Variants in DENND1A observed in about 807,000 individuals in gnomAD.
DENND1A encodes the protein DENN domain containing 1A.
In DENND1A, 51 loss-of-function variants were observed where a neutral mutation model predicts 113.7. That is an observed-to-expected ratio of 0.45 (90% CI 0.36 to 0.57). The LOEUF (loss-of-function observed/expected upper bound fraction) is 0.57. Ranked by LOEUF, DENND1A falls within the 20% of genes least tolerant of loss-of-function variation. The pLI is 0.00. For synonymous variants in DENND1A, 565 were observed against 570.8 expected (o/e 0.99, Z 0.14); for missense variants, 1,258 against 1,395.9 (o/e 0.90, Z 1.57).
chr9:123,756,201 C>T (rs1195615090), intron 5 of DENND1A, among the ~76,000 whole-genome samples: 1 of 152,126 alleles, frequency 6.6e-6, no homozygotes, highest in East Asian at 1.9e-4. Flanking sequence ...CGTGAGCTAC[C>T]GTGCCCGGCC....
chr9:123,406,251 G>A (rs1162140247), intron 20 of DENND1A, among the ~76,000 whole-genome samples: 1 of 152,186 alleles, frequency 6.6e-6, no homozygotes, highest in Admixed American at 6.5e-5. Context: ...AGACAGGTTT[G>A]GCATATCAGG....
At chr9:123,399,827 G>C (rs984030295) in intron 21 of DENND1A, among the ~76,000 whole-genome samples, 3 of 152,260 alleles carry the variant, frequency 2.0e-5, no homozygotes, top group African/African-American at 7.2e-5. Flanking sequence ...ATGAAATCAA[G>C]AATTCTGAAT....
chr9:123,641,078 A>G (rs137865194), intron 9 of DENND1A, among the ~76,000 whole-genome samples: 3 of 152,328 alleles, frequency 2.0e-5, no homozygotes, highest in South Asian at 2.1e-4. Context: ...GTCTAACCTC[A>G]TATCACACTA....
chr9:123,399,034 G>T (rs970248520), intron 21 of DENND1A, among the ~76,000 whole-genome samples: 34 of 151,678 alleles, frequency 2.2e-4, no homozygotes, highest in Non-Finnish European at 3.5e-4. Context: ...GACCTCAAGT[G>T]ACCCGCCCGC....
chr9:123,542,063 G>C (rs2056329558), intron 13 of DENND1A, among the ~76,000 whole-genome samples: 1 of 152,172 alleles, frequency 6.6e-6, no homozygotes, highest in South Asian at 2.1e-4. Context: ...TAAGAAATTA[G>C]ACATCTGTTA....
intron 1 of DENND1A, among the ~76,000 whole-genome samples, chr9:123,922,569 C>T (rs1856450154): frequency 6.6e-6 from 1 of 152,164 alleles, no homozygotes; most frequent in Admixed American, 6.5e-5. Flanking sequence ...ACCTAAAAAC[C>T]CAAATCTGAT....
chr9:123,395,427 GC>G (rs201656306), intron 21 of DENND1A, among the ~76,000 whole-genome samples: 3,095 of 149,980 alleles, frequency 0.021, 63 homozygotes, highest in African/African-American at 0.045. Flanking sequence ...CTGGCTTTAG[GC>G]TTGGTTTTGT....
At chr9:123,903,976 G>A (rs1852250658) in intron 1 of DENND1A, among the ~76,000 whole-genome samples, 1 of 152,130 alleles carries the variant, frequency 6.6e-6, no homozygotes, top group Non-Finnish European at 1.5e-5. Flanking sequence ...GTCCCTGTCT[G>A]ACAGCTTTGA....
At chr9:123,832,160 A>G (rs1840325491) in intron 2 of DENND1A, among the ~76,000 whole-genome samples, 1 of 152,250 alleles carries the variant, frequency 6.6e-6, no homozygotes, top group South Asian at 2.1e-4. Flanking sequence ...TAAGGCACAG[A>G]GTACAAGGTA....
chr9:123,830,873 G>GA lies in DENND1A; in HGVS notation c.89-38244dup, dbSNP rs71390447. The stretch of plus-strand genomic sequence containing the variant: ...AAGAGTGAAATTTCATCTCAAAAAT[G>GA]AAAAAAAAAAAAAAAAAAAAAAAAA... On this transcript the variant is annotated intron_variant, in intron 2 of 23. Transcript: ENST00000394215. Among the ~76,000 whole-genome samples, 152 of 39,328 alleles carry GA rather than the reference G, an allele frequency of 3.9e-3. 6 individuals are homozygous for GA. Among genetic ancestry groups the GA allele is most frequent in the East Asian group, 0.014 (15 of 1,100 alleles). 25.8% of individuals were successfully genotyped at this position (39,328 alleles called of 152,430 possible). A position where few individuals can be genotyped will look rare whatever the true frequency, so the allele number is the denominator to read the frequency against.
intron 2 of DENND1A, among the ~76,000 whole-genome samples, chr9:123,867,104 A>G (rs1162490472): frequency 1.3e-5 from 2 of 152,162 alleles, no homozygotes; most frequent in South Asian, 2.1e-4. Context: ...GCTCACAGTG[A>G]TATCTTCAGT....
At chr9:123,387,011 A>G in intron 22 of DENND1A, among the ~76,000 whole-genome samples, 1 of 152,254 alleles carries the variant, frequency 6.6e-6, no homozygotes. Flanking sequence ...CGCAAAGGGC[A>G]GTTTCCATTC....
chr9:123,727,761 G>A (rs975834061), intron 5 of DENND1A, among the ~76,000 whole-genome samples: 1 of 152,046 alleles, frequency 6.6e-6, no homozygotes, highest in African/African-American at 2.4e-5. Flanking sequence ...AACAATACAG[G>A]TGTAGGAACT....
intron 9 of DENND1A, among the ~76,000 whole-genome samples, chr9:123,648,784 T>C (rs73580139): frequency 0.055 from 8,361 of 152,286 alleles, 818 homozygotes; most frequent in African/African-American, 0.19. Flanking sequence ...TTTAAGTTCT[T>C]GATCCATTTG....
chr9:123,763,901 A>C (rs1407853352), intron 4 of DENND1A, among the ~76,000 whole-genome samples: 1 of 152,154 alleles, frequency 6.6e-6, no homozygotes, highest in Non-Finnish European at 1.5e-5. Flanking sequence ...GGATAAGTTG[A>C]AGTGTGTAGA....
intron 8 of DENND1A, among the ~76,000 whole-genome samples, chr9:123,658,802 C>T (rs577442875): frequency 6.6e-6 from 1 of 152,238 alleles, no homozygotes; most frequent in South Asian, 2.1e-4. Flanking sequence ...TGATCCCTGT[C>T]CTTAGAGAAG....
At chr9:123,797,328 A>T (rs1021039689) in intron 2 of DENND1A, among the ~76,000 whole-genome samples, 1 of 152,192 alleles carries the variant, frequency 6.6e-6, no homozygotes, top group Non-Finnish European at 1.5e-5. Flanking sequence ...AATATGCTGC[A>T]AACAGGATAA....
At chr9:123,390,805 C>T (rs10818813) in intron 21 of DENND1A, among the ~76,000 whole-genome samples, 14,240 of 152,314 alleles carry the variant, frequency 0.093, 716 homozygotes, top group Middle Eastern at 0.17. Flanking sequence ...ACACCAGCCC[C>T]GGCTCGGGCC....
At chr9:123,425,389 G>T (rs73573385) in intron 19 of DENND1A, among the ~76,000 whole-genome samples, 1 of 152,266 alleles carries the variant, frequency 6.6e-6, no homozygotes, top group East Asian at 1.9e-4. Flanking sequence ...ACCGCTGAAG[G>T]TGGAGCCTTG....
Sources: gnomAD v4.1 joint callset for allele counts (sites outside exome capture counted in the v4.1 genomes callset) on GRCh38, gnomAD v4.1.1 for gene constraint, MANE v1.5 for transcripts, NCBI Gene and HGNC (gene_info 2026-07-23, HGNC 2026-07-21) for gene names.